Variants in RARB observed in about 807,000 individuals in gnomAD.
The protein encoded by RARB is HBV-activated protein.
Under a neutral mutation model 51.9 loss-of-function variants are expected in RARB, and 17 were observed. The observed-to-expected ratio is 0.33, with a 90% confidence interval of 0.22 to 0.49. The LOEUF is 0.49. RARB is among the 20% of genes least tolerant of loss of function. The pLI, the probability that RARB is intolerant of heterozygous loss-of-function variation, is 0.99. For missense variants in RARB, 369 were observed against 550.8 expected, an observed-to-expected ratio of 0.67 and a Z score of 3.30; for synonymous variants, 215 against 195.4, an observed-to-expected ratio of 1.10 and a Z score of -0.84.
At chr3:25,444,862 A>G (rs1038749366) in intron 1 of RARB, among the ~76,000 whole-genome samples, 2 of 152,240 alleles carry the variant, frequency 1.3e-5, no homozygotes, top group South Asian at 2.1e-4. Flanking sequence ...CCATTGCATT[A>G]CAGGAGGTGA....
chr3:25,137,988 A>T (rs769732466), intron 4 of RARB, among the ~76,000 whole-genome samples: 1 of 152,116 alleles, frequency 6.6e-6, no homozygotes, highest in African/African-American at 2.4e-5. Context: ...CTTTTTACCT[A>T]AGATCAAATT....
chr3:25,300,366 T>C (rs867449097), intron 5 of RARB, among the ~76,000 whole-genome samples: 2 of 152,354 alleles, frequency 1.3e-5, no homozygotes, highest in South Asian at 4.1e-4. Flanking sequence ...TTTTTCACAA[T>C]GTGCAAGACT....
chr3:25,391,039 C>G (rs1706939371), intron 5 of RARB, among the ~76,000 whole-genome samples: 1 of 152,080 alleles, frequency 6.6e-6, no homozygotes. Flanking sequence ...ATCTTTCATC[C>G]CTCACACGCC....
At chr3:25,342,871 G>A (rs1027703127) in intron 5 of RARB, among the ~76,000 whole-genome samples, 8 of 152,128 alleles carry the variant, frequency 5.3e-5, no homozygotes, top group Non-Finnish European at 1.2e-4. Context: ...AGTGGTAGAG[G>A]TTGTAGCCTT....
chr3:24,983,590 G>T (rs761286834), intron 2 of RARB, among the ~76,000 whole-genome samples: 1 of 151,960 alleles, frequency 6.6e-6, no homozygotes, highest in Non-Finnish European at 1.5e-5. Flanking sequence ...GTGTCCATGG[G>T]TTCTCGTTGT....
At chr3:25,071,293 G>A (rs59980491) in intron 3 of RARB, among the ~76,000 whole-genome samples, 6,526 of 152,202 alleles carry the variant, frequency 0.043, 442 homozygotes, top group African/African-American at 0.14. Flanking sequence ...CAGGGTGCTA[G>A]CTGATTTTGA....
At position 25,428,543 on chromosome 3, in the gene RARB, T is replaced by A; in HGVS notation, c.-189T>A. 2 of 1,281,290 alleles carry A rather than the reference T, an allele frequency of 1.6e-6. No homozygotes were observed. The highest frequency in any genetic ancestry group is 2.0e-6 in the Non-Finnish European group (2 of 1,012,774). The allele number at this position is 1,281,290 out of a possible 1,614,324, so 79.4% of individuals were successfully genotyped here. A position where few individuals can be genotyped will look rare whatever the true frequency, so the allele number is the denominator to read the frequency against. ...AAGCCTGGAAAATGGTAAATGATCATTTGGATCAATTACAGGCTTTTAGCT... is the reference window on the plus strand; with the variant it reads ...AAGCCTGGAAAATGGTAAATGATCAATTGGATCAATTACAGGCTTTTAGCT... On this transcript the variant is annotated 5_prime_UTR_variant, in exon 1 of 8. Transcript: ENST00000330688.
At chr3:25,410,604 T>A (rs963303666) in intron 5 of RARB, among the ~76,000 whole-genome samples, 6 of 152,360 alleles carry the variant, frequency 3.9e-5, no homozygotes, top group Middle Eastern at 6.8e-3. Context: ...CCCTAAGCCC[T>A]GTTACAGTAA....
intron 4 of RARB, among the ~76,000 whole-genome samples, chr3:25,145,800 AG>A (rs994073938): frequency 2.6e-5 from 4 of 151,564 alleles, no homozygotes; most frequent in African/African-American, 7.3e-5. Context: ...GTTCGAGACC[AG>A]CCTGGCCAAC....
intron 2 of RARB, among the ~76,000 whole-genome samples, chr3:24,862,721 A>G (rs937263): frequency 0.027 from 4,120 of 152,314 alleles, 87 homozygotes; most frequent in Middle Eastern, 0.058. Flanking sequence ...TGTATGCCCC[A>G]CGTATAAGGA....
intron 2 of RARB, chr3:25,020,454 T>C (rs1426163068): frequency 1.3e-5 from 2 of 152,110 alleles, no homozygotes; most frequent in African/African-American, 4.8e-5. Context: ...CAGGTGCACC[T>C]CTATAAAGCA....
intron 3 of RARB, among the ~76,000 whole-genome samples, chr3:25,072,320 C>T (rs767229278): frequency 6.6e-6 from 1 of 152,096 alleles, no homozygotes; most frequent in South Asian, 2.1e-4. Context: ...AGCCAGTCAC[C>T]GCCTTATGGG....
At chr3:25,089,792 C>T (rs761394544) in intron 3 of RARB, among the ~76,000 whole-genome samples, 9 of 152,058 alleles carry the variant, frequency 5.9e-5, no homozygotes, top group Non-Finnish European at 1.2e-4. Flanking sequence ...AGTTTCCATA[C>T]GAATGATACT....
chr3:25,120,907 G>T (rs1388474587), intron 3 of RARB, among the ~76,000 whole-genome samples: 1 of 152,160 alleles, frequency 6.6e-6, no homozygotes, highest in African/African-American at 2.4e-5. Flanking sequence ...TCCCATGGCA[G>T]AGTCAGAACT....
At chr3:24,888,326 A>G (rs1453643610) in intron 2 of RARB, among the ~76,000 whole-genome samples, 1 of 152,224 alleles carries the variant, frequency 6.6e-6, no homozygotes, top group Non-Finnish European at 1.5e-5. Flanking sequence ...TAACCCTATG[A>G]GAATTGAGAT....
At chr3:24,885,869 G>A (rs1188411871) in intron 2 of RARB, among the ~76,000 whole-genome samples, 1 of 152,144 alleles carries the variant, frequency 6.6e-6, no homozygotes, top group Non-Finnish European at 1.5e-5. Flanking sequence ...GTGCCTTTAA[G>A]CAACTTAAAC....
chr3:25,538,293 C>T (rs945464254), intron 3 of RARB, among the ~76,000 whole-genome samples: 6 of 152,052 alleles, frequency 3.9e-5, no homozygotes, highest in East Asian at 1.9e-4. Flanking sequence ...TCCCATAATT[C>T]GACTCAGTTA....
intron 5 of RARB, among the ~76,000 whole-genome samples, chr3:25,259,369 T>C (rs59205781): frequency 0.065 from 9,821 of 152,208 alleles, 375 homozygotes; most frequent in African/African-American, 0.1. Context: ...TATGTACTTT[T>C]GTAAATGTAA....
At chr3:24,926,698 T>A (rs902188081) in intron 2 of RARB, among the ~76,000 whole-genome samples, 1 of 152,046 alleles carries the variant, frequency 6.6e-6, no homozygotes, top group African/African-American at 2.4e-5. Context: ...TACATCATGA[T>A]GGAGATGACA....
Sources: gnomAD v4.1 joint callset for allele counts (sites outside exome capture counted in the v4.1 genomes callset) on GRCh38, gnomAD v4.1.1 for gene constraint, MANE v1.5 for transcripts, NCBI Gene and HGNC (gene_info 2026-07-23, HGNC 2026-07-21) for gene names.